The following PEBP4 variants were observed in gnomAD, a reference collection of about 807,000 sequenced individuals.
PEBP4 encodes phosphatidylethanolamine binding protein 4.
PEBP4 carries 22 observed loss-of-function variants against 23.9 expected under a neutral mutation model. That is an observed-to-expected ratio of 0.92 (90% CI 0.66 to 1.31). The LOEUF (loss-of-function observed/expected upper bound fraction) is 1.31, where lower values mean the gene tolerates loss of function less well. Ranked by LOEUF, PEBP4 falls within the 40% of genes most tolerant of loss-of-function variation. The probability of loss-of-function intolerance (pLI) is 0.00; values close to 1 mark genes in which losing one functional copy is unlikely to be tolerated. For synonymous variants in PEBP4, 112 were observed against 99.3 expected (o/e 1.13, Z -0.76); for missense variants, 324 against 281.7 (o/e 1.15, Z -1.07).
upstream of PEBP4, among the ~76,000 whole-genome samples, chr8:22,929,497 C>T (rs865997225): frequency 1.3e-5 from 2 of 152,220 alleles, no homozygotes; most frequent in East Asian, 3.8e-4. Context: ...CTTCCAGTGG[C>T]GGTTCTTCCT....
intron 3 of PEBP4, among the ~76,000 whole-genome samples, chr8:22,845,878 C>T (rs563125596): frequency 1.1e-4 from 17 of 152,366 alleles, no homozygotes; most frequent in South Asian, 2.1e-4. Context: ...GGGCCTGGCC[C>T]GGCACAGAAT....
At chr8:22,780,132 T>C (rs1346939416) in intron 4 of PEBP4, among the ~76,000 whole-genome samples, 1 of 151,942 alleles carries the variant, frequency 6.6e-6, no homozygotes. Flanking sequence ...TCCAGCTAAT[T>C]TTTGTATTTT....
upstream of PEBP4, chr8:22,928,040 T>TTA (rs1282166053): frequency 6.7e-6 from 2 of 298,746 alleles, no homozygotes; most frequent in Non-Finnish European, 1.3e-5. Context: ...GTAGAAGTGC[T>TTA]TATATAAGCT....
intron 3 of PEBP4, among the ~76,000 whole-genome samples, chr8:22,889,858 G>A (rs1378639706): frequency 6.6e-6 from 1 of 152,210 alleles, no homozygotes; most frequent in East Asian, 1.9e-4. Flanking sequence ...GGGACGCCCT[G>A]CTCGGTGGCG....
chr8:22,772,298 A>G (rs554755684), intron 4 of PEBP4, among the ~76,000 whole-genome samples: 102 of 152,328 alleles, frequency 6.7e-4, no homozygotes, highest in Middle Eastern at 3.4e-3. Flanking sequence ...ATAATTGGAC[A>G]TGGTGCGTCA....
intron 4 of PEBP4, among the ~76,000 whole-genome samples, chr8:22,737,170 T>C (rs1176016355): frequency 1.3e-5 from 2 of 151,808 alleles, no homozygotes; most frequent in African/African-American, 4.8e-5. Flanking sequence ...GGCAGGCGCC[T>C]GTAGTCCCAG....
intron 4 of PEBP4, among the ~76,000 whole-genome samples, chr8:22,808,516 A>G (rs922683143): frequency 6.6e-5 from 10 of 152,348 alleles, no homozygotes; most frequent in Non-Finnish European, 1.5e-4. Flanking sequence ...AAAGAGACTC[A>G]TAAATAATAA....
At chr8:22,872,008 A>G (rs1238811424) in intron 3 of PEBP4, among the ~76,000 whole-genome samples, 3 of 152,172 alleles carry the variant, frequency 2.0e-5, no homozygotes, top group African/African-American at 7.2e-5. Context: ...GCTCCCACTT[A>G]TAAGTGAAAA....
At position 22,898,391 on chromosome 8, in the gene PEBP4, C is replaced by CAAAAAAAAAAAAAAAAAAAAAAAAAA. The variant is rs536993520; in HGVS notation, c.258+21767_258+21792dup. Among the ~76,000 whole-genome samples the CAAAAAAAAAAAAAAAAAAAAAAAAAA allele has an allele frequency of 2.5e-4, 2 of 7,960 alleles. 1 individual carries two copies. The highest frequency in any genetic ancestry group is 5.5e-4 in the Non-Finnish European group (2 of 3,648). 5.2% of individuals were successfully genotyped at this position (7,960 alleles called of 152,430 possible). A position where few individuals can be genotyped will look rare whatever the true frequency, so the allele number is the denominator to read the frequency against. On this transcript the variant is annotated intron_variant, in intron 3 of 6. Coordinates refer to ENST00000256404, the MANE Select transcript of PEBP4 (RefSeq NM_144962.3). ...TGAGCGACAGAGGAAGACTCCACCCCAAAAAAAAAAAAAAAAAAAAAAAAA... is the reference window on the plus strand; with the variant it reads ...TGAGCGACAGAGGAAGACTCCACCCCAAAAAAAAAAAAAAAAAAAAAAAAAAAAAAAAAAAAAAAAAAAAAAAAAAA...
intron 3 of PEBP4, among the ~76,000 whole-genome samples, chr8:22,890,017 G>A (rs186867652): frequency 5.9e-5 from 9 of 152,328 alleles, no homozygotes; most frequent in African/African-American, 1.9e-4. Flanking sequence ...ACCACCAGAT[G>A]TTACCTGGAA....
intron 3 of PEBP4, among the ~76,000 whole-genome samples, chr8:22,877,300 C>T (rs1012837190): frequency 2.6e-5 from 4 of 152,108 alleles, no homozygotes; most frequent in African/African-American, 9.7e-5. Context: ...GATGGGGCTA[C>T]GTGTCCTTAT....
At chr8:22,820,442 T>G (rs1404438480) in intron 3 of PEBP4, among the ~76,000 whole-genome samples, 1 of 152,068 alleles carries the variant, frequency 6.6e-6, no homozygotes, top group African/African-American at 2.4e-5. Context: ...GTAAGATGAA[T>G]GGAGTAAATG....
At chr8:22,831,958 C>T (rs1203690168) in intron 3 of PEBP4, among the ~76,000 whole-genome samples, 8 of 148,908 alleles carry the variant, frequency 5.4e-5, no homozygotes, top group South Asian at 2.1e-4. Context: ...ATGAAAAGGG[C>T]GGGGGCAGGG....
intron 5 of PEBP4, among the ~76,000 whole-genome samples, chr8:22,725,296 C>T (rs545961710): frequency 1.3e-5 from 2 of 152,198 alleles, no homozygotes; most frequent in Non-Finnish European, 2.9e-5. Context: ...GATGGATTTC[C>T]TGCCTCAAGA....
chr8:22,765,486 C>A (rs993521598), intron 4 of PEBP4, among the ~76,000 whole-genome samples: 1 of 152,200 alleles, frequency 6.6e-6, no homozygotes, highest in African/African-American at 2.4e-5. Flanking sequence ...TAGGGACAAA[C>A]ATTGTCCCTC....
At chr8:22,928,875 T>C (rs1167594121), upstream of PEBP4, among the ~76,000 whole-genome samples, 2 of 152,328 alleles carry the variant, frequency 1.3e-5, no homozygotes, top group African/African-American at 4.8e-5. Flanking sequence ...GCTAGACCTT[T>C]AGAGAAACTA....
rs117510611 is a variant in PEBP4 at position 22,769,443 on chromosome 8, C to T, written c.358-42223G>A. Among the ~76,000 whole-genome samples, 210 of 152,342 alleles carry T rather than the reference C, an allele frequency of 1.4e-3. 2 individuals are homozygous for T. The East Asian group carries it at 0.029, about 21-fold the overall frequency. The stretch of plus-strand genomic sequence containing the variant: ...CTTTCGGTAAAGATATTCTGAGTTC[C>T]GTTCTTAACCCTAAGCTGCCCCACA... On this transcript the variant is annotated intron_variant, in intron 4 of 6. Transcript: ENST00000256404.
rs1186055766 is a variant in PEBP4 at position 22,898,370 on chromosome 8, C to T, written c.258+21814G>A. On this transcript the variant is annotated intron_variant, in intron 3 of 6. Transcript: ENST00000256404. ...TCACACCGCTGCACTCCAGCCTGAGCGACAGAGGAAGACTCCACCCCAAAA... is the reference window on the plus strand; with the variant it reads ...TCACACCGCTGCACTCCAGCCTGAGTGACAGAGGAAGACTCCACCCCAAAA... Among the ~76,000 whole-genome samples, 19 of 124,750 alleles carry T rather than the reference C, an allele frequency of 1.5e-4. 1 individual carries two copies. Among genetic ancestry groups the T allele is most frequent in the African/African-American group, 5.3e-4 (17 of 32,356 alleles). 81.8% of individuals were successfully genotyped at this position (124,750 alleles called of 152,430 possible).
chr8:22,856,154 T>G (rs2128767937), intron 3 of PEBP4, among the ~76,000 whole-genome samples: 1 of 150,824 alleles, frequency 6.6e-6, no homozygotes, highest in East Asian at 1.9e-4. Flanking sequence ...CCTAATGTAC[T>G]AAAAAGTCTG....
Sources: gnomAD v4.1 joint callset for allele counts (sites outside exome capture counted in the v4.1 genomes callset) on GRCh38, gnomAD v4.1.1 for gene constraint, MANE v1.5 for transcripts, NCBI Gene and HGNC (gene_info 2026-07-23, HGNC 2026-07-21) for gene names.